The following TDO2 variants were observed in gnomAD, a reference collection of about 807,000 sequenced individuals.
TDO2 encodes tryptamin 2,3-dioxygenase.
In TDO2, 63 loss-of-function variants were observed where a neutral mutation model predicts 61.2. The observed-to-expected ratio is 1.03, with a 90% confidence interval of 0.84 to 1.27. TDO2 has a LOEUF of 1.27. Among genes scored for constraint, TDO2 ranks in the 50% most tolerant of loss-of-function variants. The pLI, the probability that TDO2 is intolerant of heterozygous loss-of-function variation, is 0.00. For synonymous variants in TDO2, 183 were observed against 164.0 expected (o/e 1.12, Z -0.89); for missense variants, 494 against 469.5 (o/e 1.05, Z -0.48).
At position 155,911,598 on chromosome 4, in the gene TDO2, G is replaced by T; in HGVS notation, c.720G>T (p.Arg240Ser). ...GAGGCCTGGAAGAGGAATTCATAAGGATTCAGGTATTTAGATGACATGAGT... is the reference window on the plus strand; with the variant it reads ...GAGGCCTGGAAGAGGAATTCATAAGTATTCAGGTATTTAGATGACATGAGT... ...ITRGLEEEFI[R>S]IQAKEESEEK... The change falls in exon 7 of 12, where the codon AGG becomes AGT. Residue 240 changes from arginine to serine, a missense_variant. Coordinates refer to ENST00000536354, the MANE Select transcript of TDO2 (RefSeq NM_005651.4). 6.6e-7 allele frequency: 1 copy of T among 1,516,242 alleles called. No individual in the cohort carries two copies. The highest frequency in any genetic ancestry group is 8.9e-7 in the Non-Finnish European group (1 of 1,120,086). 93.9% of individuals were successfully genotyped at this position (1,516,242 alleles called of 1,614,324 possible). A position where few individuals can be genotyped will look rare whatever the true frequency, so the allele number is the denominator to read the frequency against.
At chr4:155,911,690 T>G in intron 7 of TDO2, 86 bp downstream of exon 7, 1 of 832,200 alleles carries the variant, frequency 1.2e-6, no homozygotes, top group Non-Finnish European at 1.7e-6. Context: ...TCTCTTAACC[T>G]TTTCTCTTTC....
chr4:155,903,710 A>G lies in TDO2; in HGVS notation c.-49A>G. The G allele has an allele frequency of 1.2e-6, 2 of 1,612,262 alleles. No individual in the cohort carries two copies. The highest frequency in any genetic ancestry group is 1.7e-6 in the Non-Finnish European group (2 of 1,178,348). On this transcript the variant is annotated 5_prime_UTR_variant, in exon 1 of 12. Transcript: ENST00000536354. The stretch of plus-strand genomic sequence containing the variant: ...AACATCTGGGAAGGTCAATGATAGC[A>G]TCTGCCTAGAGTCAAACCTCCGTGC...
At chr4:155,916,459 A>G (rs1342498333) in intron 9 of TDO2, among the ~76,000 whole-genome samples, 2 of 103,452 alleles carry the variant, frequency 1.9e-5, no homozygotes, top group Admixed American at 9.7e-5. Flanking sequence ...TCTAAAAAGC[A>G]CTATGTAACA....
In TDO2 at chr4:155,920,123, G is replaced by C. The variant is rs1743016552; in HGVS notation, c.*133G>C. On this transcript the variant is annotated 3_prime_UTR_variant, in exon 12 of 12. Coordinates refer to ENST00000536354, the MANE Select transcript of TDO2 (RefSeq NM_005651.4). ...ACCACGATGCTCTGATTTAATTCTA[G>C]AAACAATTTGATTACCTCTTGTTTG... The C allele has an allele frequency of 6.4e-6, 5 of 779,680 alleles. No individual in the cohort carries two copies. Among genetic ancestry groups the C allele is most frequent in the Non-Finnish European group, 1.0e-5 (5 of 491,506 alleles). The allele number at this position is 779,680 out of a possible 1,614,324, so 48.3% of individuals were successfully genotyped here. A position where few individuals can be genotyped will look rare whatever the true frequency, so the allele number is the denominator to read the frequency against.
chr4:155,911,739 ATG>A (rs1560777260), intron 7 of TDO2, 135 bp downstream of exon 7: 7 of 549,332 alleles, frequency 1.3e-5, no homozygotes, highest in Middle Eastern at 1.0e-3. Context: ...TTCTTGGACT[ATG>A]TGACATGATT....
Position 155,917,483 on chromosome 4 carries a change from T to C in TDO2, c.976+9T>C. 6.2e-7 allele frequency: 1 copy of C among 1,602,660 alleles called. No individual in the cohort carries two copies. Among genetic ancestry groups the C allele is most frequent in the East Asian group, 2.3e-5 (1 of 44,234 alleles). On this transcript the variant is annotated intron_variant, in intron 10 of 11. Coordinates refer to ENST00000536354, the MANE Select transcript of TDO2 (RefSeq NM_005651.4). ...GATGACCAAATGGAGATGTAAGTCC[T>C]TCCCACTCACCCCATGTTGCTTCCC...
intron 2 of TDO2, 45 bp from the exon 3 acceptor site, chr4:155,905,022 C>A (rs1742693809): frequency 7.1e-7 from 1 of 1,408,140 alleles, no homozygotes; most frequent in Non-Finnish European, 9.7e-7. Flanking sequence ...TTCATAAAAA[C>A]CAAGTTCTGC....
chr4:155,910,404 T>C (rs1742809627), intron 6 of TDO2, among the ~76,000 whole-genome samples, 193 bp downstream of exon 6: 1 of 152,156 alleles, frequency 6.6e-6, no homozygotes, highest in African/African-American at 2.4e-5. Flanking sequence ...AGAACCCTGC[T>C]GAGAACTTCG....
At chr4:155,919,104 A>T (rs1286635116) in intron 11 of TDO2, among the ~76,000 whole-genome samples, 3 of 152,192 alleles carry the variant, frequency 2.0e-5, no homozygotes, top group Admixed American at 6.5e-5. Context: ...GGAATAATGA[A>T]CACAAATGGC....
intron 7 of TDO2, among the ~76,000 whole-genome samples, chr4:155,913,013 T>C (rs946673279): frequency 4.6e-5 from 7 of 152,254 alleles, no homozygotes; most frequent in African/African-American, 1.7e-4. Context: ...CATCAAGTCC[T>C]ACCAATGTTA....
At chr4:155,909,384 A>G (rs1742776997) in intron 5 of TDO2, among the ~76,000 whole-genome samples, 1 of 152,200 alleles carries the variant, frequency 6.6e-6, no homozygotes, top group South Asian at 2.1e-4. Flanking sequence ...CATGTCAATC[A>G]AAGTAGAAGT....
intron 2 of TDO2, 59 bp downstream of exon 2, chr4:155,904,182 A>G (rs1246477858): frequency 4.0e-6 from 5 of 1,248,998 alleles, no homozygotes; most frequent in Non-Finnish European, 4.6e-6. Flanking sequence ...AATTCTGCCA[A>G]GTGACTTTTT....
chr4:155,910,715 T>C (rs1454156891), intron 6 of TDO2, among the ~76,000 whole-genome samples: 3 of 152,134 alleles, frequency 2.0e-5, no homozygotes, highest in Admixed American at 6.5e-5. Flanking sequence ...TTCTTCAAAA[T>C]AGATTATTAA....
Position 155,920,011 on chromosome 4 carries a change from A to G in TDO2, c.*21A>G, listed in dbSNP as rs1440482558. 6.2e-7 allele frequency: 1 copy of G among 1,608,470 alleles called. No homozygotes were observed. Among genetic ancestry groups the G allele is most frequent in the South Asian group, 1.1e-5 (1 of 90,038 alleles). The stretch of plus-strand genomic sequence containing the variant: ...ATTAAAATCGTCTGCAAAATCTATG[A>G]AGAATACTGGTTTCACAGCCTATTT... On this transcript the variant is annotated 3_prime_UTR_variant, in exon 12 of 12. Coordinates refer to ENST00000536354, the MANE Select transcript of TDO2 (RefSeq NM_005651.4).
chr4:155,907,678 A>G, intron 3 of TDO2, 44 bp from the exon 4 acceptor site: 3 of 1,333,042 alleles, frequency 2.3e-6, no homozygotes, highest in Non-Finnish European at 2.1e-6. Context: ...ATGGCCAAAA[A>G]GGCTCCCATA....
At chr4:155,903,949 C>A in intron 1 of TDO2, 69 bp from the exon 2 acceptor site, 1 of 1,484,806 alleles carries the variant, frequency 6.7e-7, no homozygotes, top group Non-Finnish European at 9.4e-7. Flanking sequence ...GAATTTTAAT[C>A]ACCCATATCA....
intron 5 of TDO2, 45 bp downstream of exon 5, chr4:155,909,059 C>T: frequency 6.5e-7 from 1 of 1,539,846 alleles, no homozygotes; most frequent in South Asian, 1.2e-5. Context: ...AATTTACTTT[C>T]TCATTTTGGT....
chr4:155,908,733 A>T (rs546841830), intron 4 of TDO2, among the ~76,000 whole-genome samples, 154 bp from the exon 5 acceptor site: 1 of 152,348 alleles, frequency 6.6e-6, no homozygotes, highest in South Asian at 2.1e-4. Flanking sequence ...CCCACAATTC[A>T]GAACTGTTAT....
chr4:155,917,511 C>A, intron 10 of TDO2, 37 bp downstream of exon 10: 1 of 1,536,744 alleles, frequency 6.5e-7, no homozygotes, highest in Non-Finnish European at 8.9e-7. Flanking sequence ...TGCTTCCCCA[C>A]ATGCTGTTCC....
Sources: gnomAD v4.1 joint callset for allele counts (sites outside exome capture counted in the v4.1 genomes callset) on GRCh38, gnomAD v4.1.1 for gene constraint, MANE v1.5 for transcripts, NCBI Gene and HGNC (gene_info 2026-07-23, HGNC 2026-07-21) for gene names.